HMGCS1: variants seen among roughly 807,000 people sequenced by gnomAD.
HMGCS1 encodes the protein 3-hydroxy-3-methylglutaryl-CoA synthase 1.
Under a neutral mutation model 52.3 loss-of-function variants are expected in HMGCS1, and 9 were observed. The observed-to-expected ratio is 0.17, with a 90% CI of 0.10 to 0.30. The LOEUF is 0.30. Among genes scored for constraint, HMGCS1 ranks in the 10% least tolerant of loss-of-function variants. HMGCS1 has a pLI of 1.00. For synonymous variants in HMGCS1, 176 were observed against 214.4 expected, an observed-to-expected ratio of 0.82 and a Z score of 1.57; for missense variants, 320 against 620.9, an observed-to-expected ratio of 0.52 and a Z score of 5.15.
chr5:43,298,430 C>A lies in HMGCS1; in HGVS notation c.448+88G>T. 10 of 916,184 alleles carry A rather than the reference C, an allele frequency of 1.1e-5. No homozygotes were observed. The highest frequency in any genetic ancestry group is 9.8e-5 in the South Asian group (6 of 61,382). 56.8% of individuals were successfully genotyped at this position (916,184 alleles called of 1,614,324 possible). A position where few individuals can be genotyped will look rare whatever the true frequency, so the allele number is the denominator to read the frequency against. On this transcript the variant is annotated intron_variant, in intron 3 of 10. Coordinates refer to ENST00000325110, the MANE Select transcript of HMGCS1 (RefSeq NM_001098272.3). The surrounding 1 kb of genome is among the most constrained non-coding windows in gnomAD (Gnocchi z 5.6). ...AACAAGGACAAATTACAAAAGTTTG[C>A]GTATTGCATTAATTAAAGTGTCATC...
intron 2 of HMGCS1, among the ~76,000 whole-genome samples, chr5:43,303,858 G>A (rs1304543687): frequency 6.6e-6 from 1 of 152,146 alleles, no homozygotes; most frequent in Non-Finnish European, 1.5e-5. Flanking sequence ...AGCTGAGGAG[G>A]GTAAAGATAA....
At chr5:43,311,298 C>G (rs952184548) in intron 1 of HMGCS1, among the ~76,000 whole-genome samples, 1 of 136,390 alleles carries the variant, frequency 7.3e-6, no homozygotes, top group African/African-American at 2.8e-5. Context: ...CCAGCTTGGG[C>G]GACAGAGCGA....
rs930669752 is a variant in HMGCS1, at chr5:43,310,839, A to G, written c.-70+2517T>C. 3.9e-5 allele frequency among the ~76,000 whole-genome samples: 6 copies of G among 152,220 alleles called. No homozygotes were observed. The East Asian group carries it at 1.2e-3, about 29-fold the overall frequency. ...CCAAGGTGAAAAATGTAAGAAGCCC[A>G]TATGGAATCAGAAAACATTTGTTGG... On this transcript the variant is annotated intron_variant, in intron 1 of 10. Coordinates refer to ENST00000325110, the MANE Select transcript of HMGCS1 (RefSeq NM_001098272.3).
Position 43,292,631 on chromosome 5 carries a change from T to C in HMGCS1, c.1316A>G (p.Tyr439Cys), listed in dbSNP as rs1753834098. Reference protein sequence around the residue: ...LREDTHHLVNYIPQGSIDSLF... With the variant: ...LREDTHHLVNCIPQGSIDSLF... ...TGAATCTATTGAACCCTGGGGAATA[T>C]AGTTGACTAAAGGAAAGGGAGAGAA... The change falls in exon 10 of 11, where the codon TAT becomes TGT. Residue 439 changes from tyrosine to cysteine, a missense_variant. Transcript: ENST00000325110. The C allele has an allele frequency of 6.2e-7, 1 of 1,611,144 alleles. No individual in the cohort carries two copies. Among genetic ancestry groups the C allele is most frequent in the Non-Finnish European group, 8.5e-7 (1 of 1,177,506 alleles).
At chr5:43,299,451 C>A (rs1021265094) in intron 2 of HMGCS1, among the ~76,000 whole-genome samples, 1 of 151,792 alleles carries the variant, frequency 6.6e-6, no homozygotes, top group Non-Finnish European at 1.5e-5. Context: ...AGATCGAGAC[C>A]ATCCTGGCTA....
intron 1 of HMGCS1, chr5:43,313,132 G>C (rs1754960287): frequency 6.6e-6 from 1 of 152,262 alleles, no homozygotes; most frequent in Admixed American, 6.5e-5. Flanking sequence ...CTGTGTTCTC[G>C]GATCTTCTCA....
intron 4 of HMGCS1, 150 bp from the exon 5 acceptor site, chr5:43,297,316 T>A (rs1326786173): frequency 3.1e-6 from 2 of 635,606 alleles, no homozygotes; most frequent in African/African-American, 3.7e-5. Context: ...GAAGCCAATA[T>A]AAGTGAAATG....
At chr5:43,296,409 C>T (rs993877090) in intron 5 of HMGCS1, among the ~76,000 whole-genome samples, 1 of 152,136 alleles carries the variant, frequency 6.6e-6, no homozygotes, top group South Asian at 2.1e-4. Context: ...CGACTAAATT[C>T]ACTGATATTT....
chr5:43,313,245 C>G (rs1350155739), intron 1 of HMGCS1, 111 bp downstream of exon 1: 1 of 152,706 alleles, frequency 6.5e-6, no homozygotes, highest in South Asian at 2.1e-4. Context: ...ACGTCCTGAC[C>G]CAGAGCCCCA....
intron 1 of HMGCS1, among the ~76,000 whole-genome samples, chr5:43,312,461 G>C (rs1754918246): frequency 6.6e-6 from 1 of 152,194 alleles, no homozygotes; most frequent in Admixed American, 6.5e-5. Context: ...CCCTCCTCCA[G>C]AGTGGATCAG....
At chr5:43,310,271 G>A (rs1475145977) in intron 1 of HMGCS1, among the ~76,000 whole-genome samples, 1 of 152,162 alleles carries the variant, frequency 6.6e-6, no homozygotes, top group Non-Finnish European at 1.5e-5. Flanking sequence ...TCAAGGCCCT[G>A]TTCTAAGTCA....
intron 7 of HMGCS1, 70 bp downstream of exon 7, chr5:43,294,621 A>G: frequency 8.6e-7 from 1 of 1,160,936 alleles, no homozygotes; most frequent in Non-Finnish European, 1.2e-6. Context: ...GCTTGACACT[A>G]GATTTGGTCT....
At chr5:43,293,558 A>ATTTT (rs34148210) in intron 8 of HMGCS1, among the ~76,000 whole-genome samples, 1 of 142,024 alleles carries the variant, frequency 7.0e-6, no homozygotes, top group Non-Finnish European at 1.5e-5. Flanking sequence ...ATAAGGTAGA[A>ATTTT]TTTTTTTTTT....
Position 43,300,096 on chromosome 5 carries a change from G to A in HMGCS1, c.-10-1121C>T, listed in dbSNP as rs539191407. 1.6e-4 allele frequency among the ~76,000 whole-genome samples: 24 copies of A among 152,314 alleles called. 1 individual carries two copies. The highest frequency in any genetic ancestry group is 5.3e-4 in the African/African-American group (22 of 41,584). ...TTGGTGCTGCCACTGACAAGAACAA[G>A]AGAGGTACCTTCTTCCCACCTTCTA... On this transcript the variant is annotated intron_variant, in intron 2 of 10. Coordinates refer to ENST00000325110, the MANE Select transcript of HMGCS1 (RefSeq NM_001098272.3).
chr5:43,305,265 C>T (rs148014824), intron 2 of HMGCS1, among the ~76,000 whole-genome samples: 151 of 151,964 alleles, frequency 9.9e-4, no homozygotes, highest in East Asian at 5.7e-3. Context: ...GGATTACAGG[C>T]GTGAGCCACC....
At chr5:43,297,838 CAAAAA>C (rs371302116) in intron 4 of HMGCS1, among the ~76,000 whole-genome samples, 166 bp downstream of exon 4, 2 of 67,938 alleles carry the variant, frequency 2.9e-5, no homozygotes, top group African/African-American at 9.6e-5. Flanking sequence ...AACTCGGTCT[CAAAAA>C]AAAAAAAAAA....
At chr5:43,306,703 A>T (rs954509616) in intron 2 of HMGCS1, among the ~76,000 whole-genome samples, 4 of 117,322 alleles carry the variant, frequency 3.4e-5, no homozygotes, top group African/African-American at 1.1e-4. Context: ...GGTCCCAAGC[A>T]TTGTTCAGAT....
chr5:43,295,890 T>C lies in HMGCS1; in HGVS notation c.767A>G (p.Asn256Ser). ...KEGNDKDFTL[N>S]DFGFMIFHSP... Reference sequence around the variant, plus strand: ...GTGAAAGATCATGAAGCCAAAATCATTCAAGGTAAAATCTTTATCATTTCC... The same window carrying C: ...GTGAAAGATCATGAAGCCAAAATCACTCAAGGTAAAATCTTTATCATTTCC... Residue 256 changes from asparagine (N) to serine (S), a missense_variant, in exon 6 of 11, where the codon AAT becomes AGT. This residue lies in a region of HMGCS1 where 213 missense variants were observed against 337.4 expected (regional missense o/e 0.63). Coordinates refer to ENST00000325110, the MANE Select transcript of HMGCS1 (RefSeq NM_001098272.3). The C allele has an allele frequency of 1.2e-6, 2 of 1,612,816 alleles. No individual in the cohort carries two copies. The highest frequency in any genetic ancestry group is 1.7e-5 in the Admixed American group (1 of 59,954).
At position 43,294,147 on chromosome 5, in the gene HMGCS1, T is replaced by C. The variant is rs752967287; in HGVS notation, c.1092A>G (p.Gln364=). The C allele has an allele frequency of 1.2e-6, 2 of 1,611,120 alleles. No homozygotes were observed. The highest frequency in any genetic ancestry group is 1.1e-5 in the South Asian group (1 of 91,012). Reference sequence around the variant, plus strand: ...ACACTCCAATTCTCTTCCCTGCTAATTGCTGAGGTGAGTACCTATGTAGGG... The same window carrying C: ...ACACTCCAATTCTCTTCCCTGCTAACTGCTGAGGTGAGTACCTATGTAGGG... ...ASVLAQYSPQ[Q]LAGKRIGVFS... Residue 364 remains glutamine, a synonymous_variant, in exon 8 of 11, where the codon CAA becomes CAG. Coordinates refer to ENST00000325110, the MANE Select transcript of HMGCS1 (RefSeq NM_001098272.3).
Sources: allele counts gnomAD v4.1 joint callset (sites outside exome capture counted in the v4.1 genomes callset), GRCh38; gene constraint gnomAD v4.1.1; regional missense constraint gnomAD v4.1.1; non-coding constraint Gnocchi (gnomAD v3.1); transcripts MANE v1.5; gene names NCBI Gene and HGNC (gene_info 2026-07-23, HGNC 2026-07-21).